Variants in TGM1 observed in about 807,000 individuals in gnomAD.
TGM1 encodes the protein transglutaminase 1, also known as protein-glutamine gamma-glutamyltransferase K.
A neutral mutation model predicts 88.7 loss-of-function variants in TGM1; 63 were observed. The observed-to-expected ratio is 0.71, with a 90% CI of 0.58 to 0.88. The LOEUF is 0.88. Among genes scored for constraint, TGM1 ranks in the 40% least tolerant of loss-of-function variants. TGM1 has a pLI of 0.00. For synonymous variants in TGM1, 415 were observed against 431.1 expected (o/e 0.96, Z 0.46); for missense variants, 996 against 1,118.0 (o/e 0.89, Z 1.56).
rs1566379240 is a variant in TGM1 at position 24,259,664 on chromosome 14, GC to G, written c.984+39del. ...GGGTGGGGGTGTGGCGAGGCAGCAG[GC>G]ACACACACAGTAGGACTCAGAGATG... is the stretch of plus-strand genomic sequence containing the variant. On this transcript the variant is annotated intron_variant, in intron 6 of 14. Coordinates refer to ENST00000206765, the MANE Select transcript of TGM1 (RefSeq NM_000359.3). The surrounding 1 kb of genome is among the most constrained non-coding windows in gnomAD (Gnocchi z 5.7). The G allele has an allele frequency of 6.5e-7, 1 of 1,530,470 alleles. No individual in the cohort carries two copies. The highest frequency in any genetic ancestry group is 2.3e-5 in the East Asian group (1 of 43,322). The allele number at this position is 1,530,470 out of a possible 1,614,324, so 94.8% of individuals were successfully genotyped here.
Position 24,262,079 on chromosome 14 carries a change from A to C in TGM1, c.274T>G (p.Ser92Ala), listed in dbSNP as rs1270631760. 1 of 1,613,504 alleles carries C rather than the reference A, an allele frequency of 6.2e-7. No homozygotes were observed. The highest frequency in any genetic ancestry group is 1.3e-5 in the African/African-American group (1 of 74,914). ...SRGSDSRRPV[S>A]RGSGVNAAGD... ...GCTGCATTGACACCGCTGCCCCGGG[A>C]TACAGGCCGGCGGGAGTCTGAGCCC... Residue 92 changes from serine (S) to alanine (A), a missense_variant, in exon 2 of 15, where the codon TCC becomes GCC. Ser to Ala is a moderately conservative substitution (Grantham distance 99). Transcript: ENST00000206765.
intron 3 of TGM1, 35 bp from the exon 4 acceptor site, chr14:24,260,733 C>G (rs377379296): frequency 1.2e-6 from 2 of 1,613,884 alleles, no homozygotes; most frequent in Non-Finnish European, 1.7e-6. Context: ...CTGGCAAGGC[C>G]TCCCTGAGGA....
chr14:24,256,724 C>A (rs1450412076), intron 9 of TGM1, among the ~76,000 whole-genome samples: 1 of 152,222 alleles, frequency 6.6e-6, no homozygotes, highest in African/African-American at 2.4e-5. Context: ...ACCATCCAAC[C>A]GGAAAGAATC....
In TGM1 at chr14:24,259,643, G is replaced by T; in HGVS notation, c.984+61C>A. On this transcript the variant is annotated intron_variant, in intron 6 of 14. Transcript: ENST00000206765. The surrounding 1 kb of genome is among the most constrained non-coding windows in gnomAD (Gnocchi z 5.7). ...AATCCAGAAAGGGCAGGAGGAGGGT[G>T]GGGGTGTGGCGAGGCAGCAGGCACA... 1.5e-6 allele frequency: 2 copies of T among 1,369,526 alleles called. No individual in the cohort carries two copies. The highest frequency in any genetic ancestry group is 2.0e-6 in the Non-Finnish European group (2 of 977,388). 84.8% of individuals were successfully genotyped at this position (1,369,526 alleles called of 1,614,324 possible). A position where few individuals can be genotyped will look rare whatever the true frequency, so the allele number is the denominator to read the frequency against.
At chr14:24,253,044 G>A (rs1262198240) in intron 14 of TGM1, among the ~76,000 whole-genome samples, 2 of 152,216 alleles carry the variant, frequency 1.3e-5, no homozygotes, top group Non-Finnish European at 2.9e-5. Flanking sequence ...AAGGGCCTGA[G>A]GGATGGAGTT....
In TGM1 at chr14:24,250,179, T is replaced by A. The variant is rs72694331; in HGVS notation, c.2226-638A>T. Among the ~76,000 whole-genome samples the A allele has an allele frequency of 5.9e-3, 828 of 140,770 alleles. 8 individuals carry two copies. The highest frequency in any genetic ancestry group is 0.018 in the African/African-American group (668 of 37,150). 92.4% of individuals were successfully genotyped at this position (140,770 alleles called of 152,430 possible). A position where few individuals can be genotyped will look rare whatever the true frequency, so the allele number is the denominator to read the frequency against. On this transcript the variant is annotated intron_variant, in intron 14 of 14. Coordinates refer to ENST00000206765, the MANE Select transcript of TGM1 (RefSeq NM_000359.3). Reference sequence around the variant, plus strand: ...GTGTGTGTGTGTGTGTGTGTGTGTGTGAGAGAGACAGAGAGGTGGGTGGAC... The same window carrying A: ...GTGTGTGTGTGTGTGTGTGTGTGTGAGAGAGAGACAGAGAGGTGGGTGGAC...
Position 24,259,652 on chromosome 14 carries a change from G to A in TGM1, c.984+52C>T. 1 of 1,465,252 alleles carries A rather than the reference G, an allele frequency of 6.8e-7. No individual in the cohort carries two copies. The highest frequency in any genetic ancestry group is 9.4e-7 in the Non-Finnish European group (1 of 1,061,618). The allele number at this position is 1,465,252 out of a possible 1,614,324, so 90.8% of individuals were successfully genotyped here. A position where few individuals can be genotyped will look rare whatever the true frequency, so the allele number is the denominator to read the frequency against. On this transcript the variant is annotated intron_variant, in intron 6 of 14. Coordinates refer to ENST00000206765, the MANE Select transcript of TGM1 (RefSeq NM_000359.3). This position sits in a 1 kb window ranked among gnomAD's most constrained non-coding sequence, Gnocchi z 5.7. ...AGGGCAGGAGGAGGGTGGGGGTGTGGCGAGGCAGCAGGCACACACACAGTA... is the reference window on the plus strand; with the variant it reads ...AGGGCAGGAGGAGGGTGGGGGTGTGACGAGGCAGCAGGCACACACACAGTA...
chr14:24,261,750 G>C lies in TGM1; in HGVS notation c.453C>G (p.Leu151=). The change falls in exon 3 of 15, where the codon CTC becomes CTG. Residue 151 remains leucine, a synonymous_variant. Transcript: ENST00000206765. ...VRRGQPFHML[L]LLSRTYESSD... ...AGGATTCATAGGTCCGGGACAGGAG[G>C]AGGAGCATATGGAAAGGCTGCCCGC... 6.2e-7 allele frequency: 1 copy of C among 1,614,126 alleles called. No individual in the cohort carries two copies. Among genetic ancestry groups the C allele is most frequent in the Non-Finnish European group, 8.5e-7 (1 of 1,180,010 alleles).
chr14:24,255,378 T>C lies in TGM1; in HGVS notation c.1631A>G (p.Tyr544Cys), dbSNP rs1044429462. The change falls in exon 11 of 15, where the codon TAT (tyrosine) becomes TGT (cysteine). Residue 544 changes from tyrosine (Y) to cysteine (C), a missense_variant. By Grantham distance (194) the Tyr-to-Cys change is radical (BLOSUM62 -2). Transcript: ENST00000206765. The surrounding 1 kb of genome is among the most constrained non-coding windows in gnomAD (Gnocchi z 4.0). ...GGGAATGGTACCTTCTGGGTGCTTA[T>C]AGAGGTAGGTGATGTCCTCCCGCAT... ...SNMREDITYL[Y>C]KHPEGSDAER... is the part of the protein sequence containing the mutation. The C allele has an allele frequency of 1.2e-5, 19 of 1,614,090 alleles. No homozygotes were observed. The highest frequency in any genetic ancestry group is 1.0e-4 in the Admixed American group (6 of 60,000).
chr14:24,259,707 G>A lies in TGM1; in HGVS notation c.981C>T (p.Ala327=). The change falls in exon 6 of 15, where the codon GCC becomes GCT. Residue 327 remains alanine, a synonymous_variant. Transcript: ENST00000206765. The surrounding 1 kb of genome is among the most constrained non-coding windows in gnomAD (Gnocchi z 5.7). The part of the protein sequence containing the change: ...DPVNVSRVIS[A]MVNSLDDNGV... Reference sequence around the variant, plus strand: ...TCAGAGATGTGAGGGTGCTCACCATGGCAGAGATGACCCGGGAGACATTGA... The same window carrying A: ...TCAGAGATGTGAGGGTGCTCACCATAGCAGAGATGACCCGGGAGACATTGA... 6.2e-7 allele frequency: 1 copy of A among 1,610,168 alleles called. No individual in the cohort carries two copies. Among genetic ancestry groups the A allele is most frequent in the Non-Finnish European group, 8.5e-7 (1 of 1,178,342 alleles).
In TGM1 at chr14:24,262,038, G is replaced by C. The variant is rs763033733; in HGVS notation, c.315C>G (p.Ile105Met). The C allele has an allele frequency of 6.2e-7, 1 of 1,613,542 alleles. No homozygotes were observed. Among genetic ancestry groups the C allele is most frequent in the Non-Finnish European group, 8.5e-7 (1 of 1,180,032 alleles). ...AGGAGGACAGACCGGCCTCACCTCG[G>C]ATGGTGCCATCTCCAGCTGCATTGA... is the stretch of plus-strand genomic sequence containing the variant. ...SGVNAAGDGT[I>M]REGMLVVNGV... Residue 105 changes from isoleucine (I) to methionine (M), a missense_variant, in exon 2 of 15, where the codon ATC (isoleucine) becomes ATG (methionine). Ile to Met is a conservative substitution (Grantham distance 10, BLOSUM62 1). Transcript: ENST00000206765.
At chr14:24,250,391 A>G (rs41293954) in intron 14 of TGM1, among the ~76,000 whole-genome samples, 1 of 152,180 alleles carries the variant, frequency 6.6e-6, no homozygotes, top group Non-Finnish European at 1.5e-5. Flanking sequence ...AAATCCTTCA[A>G]GGATTTAGTG....
chr14:24,261,029 C>T lies in TGM1; in HGVS notation c.509-331G>A, dbSNP rs1466743422. On this transcript the variant is annotated intron_variant, in intron 3 of 14. Coordinates refer to ENST00000206765, the MANE Select transcript of TGM1 (RefSeq NM_000359.3). ...GGGCTGGAGGGGCAGATCCACCTGC[C>T]CCGTATGAAAGGGCAGTCCTGATCC... 1.3e-5 allele frequency among the ~76,000 whole-genome samples: 2 copies of T among 152,180 alleles called. No homozygotes were observed. The highest frequency in any genetic ancestry group is 4.8e-5 in the African/African-American group (2 of 41,448).
chr14:24,261,963 A>G (rs1034666286), intron 2 of TGM1, 71 bp downstream of exon 2: 2 of 1,609,730 alleles, frequency 1.2e-6, no homozygotes, highest in Admixed American at 1.7e-5. Context: ...CCCCCCCAGA[A>G]ATGCCAGGCT....
At position 24,254,670 on chromosome 14, in the gene TGM1, GGA is replaced by G. The variant is rs1295411988; in HGVS notation, c.2080_2081del (p.Ser694ProfsTer14). 6.2e-7 allele frequency: 1 copy of G among 1,613,868 alleles called. No homozygotes were observed. The highest frequency in any genetic ancestry group is 8.5e-7 in the Non-Finnish European group (1 of 1,180,034). ...HTFRLRTPDL[S>X]LTLLGAAVVG... is the part of the protein sequence containing the mutation. Reference sequence around the variant, plus strand: ...CCCAGCAAACTGCATTCACCGTGAGGGAGAGGTCTGGGGTGCGCAGACGGAAG... The same window carrying G: ...CCCAGCAAACTGCATTCACCGTGAGGGAGGTCTGGGGTGCGCAGACGGAAG... On this transcript the variant is annotated frameshift_variant, in exon 13 of 15. Coordinates refer to ENST00000206765, the MANE Select transcript of TGM1 (RefSeq NM_000359.3). LOFTEE classifies it high-confidence loss of function.
At chr14:24,257,902 T>G (rs573788595) in intron 9 of TGM1, among the ~76,000 whole-genome samples, 8 of 152,340 alleles carry the variant, frequency 5.3e-5, no homozygotes, top group African/African-American at 1.7e-4. Context: ...AAGCATGTAT[T>G]ACTTATAAAA....
At position 24,260,485 on chromosome 14, in the gene TGM1, T is replaced by C. The variant is rs775191936; in HGVS notation, c.722A>G (p.Asn241Ser). Residue 241 changes from asparagine (N) to serine (S), a missense_variant, in exon 4 of 15, where the codon AAT becomes AGT. Coordinates refer to ENST00000206765, the MANE Select transcript of TGM1 (RefSeq NM_000359.3). ...GEFQLPFDPRNEIYILFNPWC... is the reference protein window; with the variant it reads ...GEFQLPFDPRSEIYILFNPWC... ...GGGGTTGAAGAGGATGTAGATCTCATTGCGGGGGTCAAAGGGCAACTGGAA... is the reference window on the plus strand; with the variant it reads ...GGGGTTGAAGAGGATGTAGATCTCACTGCGGGGGTCAAAGGGCAACTGGAA... 6.2e-7 allele frequency: 1 copy of C among 1,613,688 alleles called. No homozygotes were observed. Among genetic ancestry groups the C allele is most frequent in the Non-Finnish European group, 8.5e-7 (1 of 1,179,864 alleles).
chr14:24,260,247 C>A lies in TGM1; in HGVS notation c.758-189G>T, dbSNP rs1030476080. ...GGAGGAGATTGGCTGTAGCCAGGGG[C>A]CTTTGCCAGGAGAGGTGTGGCTGGC... On this transcript the variant is annotated intron_variant, in intron 4 of 14. Transcript: ENST00000206765. 5 of 981,396 alleles carry A rather than the reference C, an allele frequency of 5.1e-6. No homozygotes were observed. The African/African-American group carries it at 8.0e-5, about 16-fold the overall frequency. 60.8% of individuals were successfully genotyped at this position (981,396 alleles called of 1,614,324 possible). A position where few individuals can be genotyped will look rare whatever the true frequency, so the allele number is the denominator to read the frequency against.
In TGM1 at chr14:24,262,188, A is replaced by G. The variant is rs1455559281; in HGVS notation, c.165T>C (p.Asn55=). The change falls in exon 2 of 15, where the codon AAT becomes AAC. Residue 55 remains asparagine (N), a synonymous_variant. Transcript: ENST00000206765. ...CAGGTCCCCAGTCGTCATCTGCCGC[A>G]TTTCGGCATGAACAGCAGCCACAGC... ...ARCCGCCSCR[N]AADDDWGPEP... 1 of 1,613,696 alleles carries G rather than the reference A, an allele frequency of 6.2e-7. No individual in the cohort carries two copies. The highest frequency in any genetic ancestry group is 2.2e-5 in the East Asian group (1 of 44,866).
Sources: gnomAD v4.1 joint callset for allele counts (sites outside exome capture counted in the v4.1 genomes callset) on GRCh38, gnomAD v4.1.1 for gene constraint, Gnocchi (gnomAD v3.1) non-coding constraint, MANE v1.5 for transcripts, NCBI Gene and HGNC (gene_info 2026-07-23, HGNC 2026-07-21) for gene names.